GRIK4: variants seen among roughly 807,000 people sequenced by gnomAD.
GRIK4 encodes glutamate receptor ionotropic, kainate 4.
In GRIK4, 40 loss-of-function variants were observed where a neutral mutation model predicts 104.9. The ratio of observed to expected loss-of-function variants is 0.38; its 90% CI spans 0.30 to 0.50. The LOEUF is 0.50. Among genes scored for constraint, GRIK4 ranks in the 20% least tolerant of loss-of-function variants. The probability of loss-of-function intolerance (pLI) is 0.93; values close to 1 mark genes in which losing one functional copy is unlikely to be tolerated. For synonymous variants in GRIK4, 485 were observed against 524.9 expected (o/e 0.92, Z 1.04); for missense variants, 1,047 against 1,308.1 (o/e 0.80, Z 3.08).
chr11:120,714,613 A>G lies in GRIK4; in HGVS notation c.82+54213A>G, dbSNP rs533935576. On this transcript the variant is annotated intron_variant, in intron 3 of 20. Transcript: ENST00000527524. The stretch of plus-strand genomic sequence containing the variant: ...AGTATGAAGTACTACAGCGTCCCAT[A>G]GCAAGGCCCTGTGACCTGGTCTGGG... 3.9e-5 allele frequency among the ~76,000 whole-genome samples: 6 copies of G among 152,354 alleles called. No individual in the cohort carries two copies. In the South Asian group the frequency reaches 6.2e-4, roughly 16 times the overall value.
At chr11:120,930,652 G>A (rs1396312257) in intron 13 of GRIK4, among the ~76,000 whole-genome samples, 2 of 152,232 alleles carry the variant, frequency 1.3e-5, no homozygotes, top group Non-Finnish European at 2.9e-5. Flanking sequence ...GCTTATGCCT[G>A]AGAAGATGAT....
At position 120,754,506 on chromosome 11, in the gene GRIK4, G is replaced by T. The variant is rs1226245496; in HGVS notation, c.83-48187G>T. Among the ~76,000 whole-genome samples the T allele has an allele frequency of 4.6e-5, 7 of 152,196 alleles. No homozygotes were observed. In the South Asian group the frequency reaches 6.2e-4, roughly 14 times the overall value. On this transcript the variant is annotated intron_variant, in intron 3 of 20. Coordinates refer to ENST00000527524, the MANE Select transcript of GRIK4 (RefSeq NM_014619.5). ...TGTTAATCAGTTCATAGATATTTGGGTTTTTTTCCACTTTTTGTCTATTAT... is the reference window on the plus strand; with the variant it reads ...TGTTAATCAGTTCATAGATATTTGGTTTTTTTTCCACTTTTTGTCTATTAT...
intron 1 of GRIK4, among the ~76,000 whole-genome samples, chr11:120,629,255 A>T (rs1279168550): frequency 6.6e-6 from 1 of 152,162 alleles, no homozygotes; most frequent in Non-Finnish European, 1.5e-5. Flanking sequence ...TATACCATGA[A>T]ATATCCATGT....
intron 1 of GRIK4, among the ~76,000 whole-genome samples, chr11:120,647,211 A>G (rs898048061): frequency 1.2e-4 from 18 of 152,164 alleles, no homozygotes; most frequent in African/African-American, 4.3e-4. Flanking sequence ...AGCTGCTTGG[A>G]AATTTTCTTT....
chr11:120,949,042 G>A (rs936466419), intron 14 of GRIK4, among the ~76,000 whole-genome samples: 21 of 152,160 alleles, frequency 1.4e-4, no homozygotes, highest in African/African-American at 4.1e-4. Flanking sequence ...GCCTGGCTCC[G>A]GTGTCCCCAT....
chr11:120,925,303 G>A (rs924020652), intron 13 of GRIK4, among the ~76,000 whole-genome samples: 6 of 152,178 alleles, frequency 3.9e-5, no homozygotes, highest in African/African-American at 7.2e-5. Flanking sequence ...AGACAGCGCC[G>A]TGAGCTGGTG....
chr11:120,874,825 G>A (rs1954733469), intron 10 of GRIK4, among the ~76,000 whole-genome samples: 1 of 152,220 alleles, frequency 6.6e-6, no homozygotes, highest in Admixed American at 6.5e-5. Flanking sequence ...GCTGTGGACA[G>A]CCAAGGGCCT....
At chr11:120,690,392 C>G (rs1367489344) in intron 3 of GRIK4, among the ~76,000 whole-genome samples, 1 of 152,258 alleles carries the variant, frequency 6.6e-6, no homozygotes, top group African/African-American at 2.4e-5. Context: ...CATTCTCCCA[C>G]TGCAATCCTT....
chr11:120,565,970 C>T (rs1461341069), intron 1 of GRIK4, among the ~76,000 whole-genome samples: 1 of 152,170 alleles, frequency 6.6e-6, no homozygotes, highest in Non-Finnish European at 1.5e-5. Flanking sequence ...AAGGATGATG[C>T]TATGTTTCCT....
chr11:120,916,557 C>G (rs1009440065), intron 13 of GRIK4, among the ~76,000 whole-genome samples: 10 of 152,176 alleles, frequency 6.6e-5, no homozygotes, highest in Non-Finnish European at 1.3e-4. Context: ...CTAGGAATCT[C>G]TAGTCTGAAA....
At chr11:120,691,571 C>T (rs892502402) in intron 3 of GRIK4, among the ~76,000 whole-genome samples, 1 of 152,096 alleles carries the variant, frequency 6.6e-6, no homozygotes, top group Non-Finnish European at 1.5e-5. Context: ...AGTATTTTTT[C>T]CACTCTATGC....
chr11:120,605,379 T>G (rs537840557), intron 1 of GRIK4, among the ~76,000 whole-genome samples: 1 of 152,288 alleles, frequency 6.6e-6, no homozygotes, highest in South Asian at 2.1e-4. Flanking sequence ...AGAATAGAAT[T>G]AGGCACAGGG....
chr11:120,710,997 T>TTGG (rs1555046760), intron 3 of GRIK4, among the ~76,000 whole-genome samples: 2 of 124,934 alleles, frequency 1.6e-5, no homozygotes, highest in South Asian at 2.7e-4. Flanking sequence ...CCCTGTGAGG[T>TTGG]GGGGAGGGGG....
At chr11:120,935,652 G>A (rs972832661) in intron 13 of GRIK4, among the ~76,000 whole-genome samples, 1 of 152,200 alleles carries the variant, frequency 6.6e-6, no homozygotes, top group Non-Finnish European at 1.5e-5. Context: ...CAATTACAGA[G>A]TGGTACTCAG....
chr11:120,633,282 C>CT (rs1168943088), intron 1 of GRIK4, among the ~76,000 whole-genome samples: 2 of 152,116 alleles, frequency 1.3e-5, no homozygotes, highest in Non-Finnish European at 2.9e-5. Flanking sequence ...TTTCAGAGCC[C>CT]TGTAAATCAG....
At chr11:120,568,494 T>C (rs1948358780) in intron 1 of GRIK4, among the ~76,000 whole-genome samples, 1 of 152,094 alleles carries the variant, frequency 6.6e-6, no homozygotes, top group Non-Finnish European at 1.5e-5. Flanking sequence ...TCCAAGTGAT[T>C]CCCCTGCTTC....
chr11:120,684,123 G>A (rs904765727), intron 3 of GRIK4, among the ~76,000 whole-genome samples: 2 of 152,098 alleles, frequency 1.3e-5, no homozygotes, highest in Non-Finnish European at 2.9e-5. Context: ...CCAGGAGTTC[G>A]AGACCAGCCT....
chr11:120,651,922 T>C (rs1949624789), intron 1 of GRIK4, among the ~76,000 whole-genome samples: 1 of 152,194 alleles, frequency 6.6e-6, no homozygotes, highest in Non-Finnish European at 1.5e-5. Flanking sequence ...ATTCCTACAT[T>C]TTCTCAAGTG....
chr11:120,535,935 G>A (rs573940929), intron 1 of GRIK4, among the ~76,000 whole-genome samples: 65 of 152,282 alleles, frequency 4.3e-4, no homozygotes, highest in African/African-American at 1.5e-3. Flanking sequence ...GTCCCAACAC[G>A]CTTCACTGGT....
Sources: allele counts gnomAD v4.1 joint callset (sites outside exome capture counted in the v4.1 genomes callset), GRCh38; gene constraint gnomAD v4.1.1; transcripts MANE v1.5; gene names NCBI Gene and HGNC (gene_info 2026-07-23, HGNC 2026-07-21).